CBX7: variants seen among roughly 807,000 people sequenced by gnomAD.
CBX7 encodes chromobox protein homolog 7.
A neutral mutation model predicts 31.4 loss-of-function variants in CBX7; 14 were observed. The ratio of observed to expected loss-of-function variants is 0.45; its 90% CI spans 0.29 to 0.70. The LOEUF (loss-of-function observed/expected upper bound fraction) is 0.70. Ranked by LOEUF, CBX7 falls within the 30% of genes least tolerant of loss-of-function variation. The pLI is 0.11. For missense variants in CBX7, 269 were observed against 351.9 expected (o/e 0.76, Z 1.89); for synonymous variants, 159 against 152.6 (o/e 1.04, Z -0.31).
intron 3 of CBX7, among the ~76,000 whole-genome samples, chr22:39,140,383 C>T (rs1423665979): frequency 6.6e-6 from 1 of 152,176 alleles, no homozygotes; most frequent in Non-Finnish European, 1.5e-5. Flanking sequence ...CCACCACACA[C>T]CTGGGAGGCA....
At chr22:39,140,880 A>G (rs1930429956) in intron 3 of CBX7, among the ~76,000 whole-genome samples, 1 of 152,088 alleles carries the variant, frequency 6.6e-6, no homozygotes, top group Admixed American at 6.5e-5. Flanking sequence ...CCAGCCCCAA[A>G]GCCCACGCTC....
At chr22:39,139,590 C>T (rs12170696) in intron 3 of CBX7, among the ~76,000 whole-genome samples, 11,959 of 151,298 alleles carry the variant, frequency 0.079, 572 homozygotes, top group African/African-American at 0.13. Context: ...GTAGTCCCAG[C>T]TACTCGGGAG....
intron 2 of CBX7, among the ~76,000 whole-genome samples, 180 bp from the exon 3 acceptor site, chr22:39,141,616 G>C (rs1055273555): frequency 2.6e-5 from 4 of 152,104 alleles, no homozygotes; most frequent in Non-Finnish European, 5.9e-5. Context: ...GGGCGTGGTG[G>C]TGCATGCCTG....
chr22:39,136,238 G>A (rs377551851), intron 4 of CBX7: 9 of 152,140 alleles, frequency 5.9e-5, no homozygotes, highest in East Asian at 5.8e-4. Context: ...GTAAGCTACC[G>A]GCCTCCCTGG....
rs1158181053 is a variant in CBX7, at chr22:39,131,296, A to T, written c.*2595T>A. ...ATTCAAAGCGGGTGGGGGCTGGGGGAAAGAAAGGCAGATGGGCAAATGCTT... is the reference window on the plus strand; with the variant it reads ...ATTCAAAGCGGGTGGGGGCTGGGGGTAAGAAAGGCAGATGGGCAAATGCTT... On this transcript the variant is annotated 3_prime_UTR_variant, in exon 6 of 6. Transcript: ENST00000216133. The T allele has an allele frequency of 6.6e-6, 1 of 152,582 alleles. No individual in the cohort carries two copies. The highest frequency in any genetic ancestry group is 1.9e-4 in the East Asian group (1 of 5,192). The allele number at this position is 152,582 out of a possible 1,614,324, so 9.5% of individuals were successfully genotyped here. A position where few individuals can be genotyped will look rare whatever the true frequency, so the allele number is the denominator to read the frequency against.
intron 3 of CBX7, 72 bp downstream of exon 3, chr22:39,141,299 G>T: frequency 7.2e-7 from 1 of 1,381,308 alleles, no homozygotes; most frequent in Non-Finnish European, 1.0e-6. Context: ...CCCCTGCCAA[G>T]CCAGCAGCAG....
Position 39,133,971 on chromosome 22 carries a change from T to C in CBX7, c.676A>G (p.Thr226Ala), listed in dbSNP as rs1601554178. The C allele has an allele frequency of 6.2e-7, 1 of 1,613,572 alleles. No homozygotes were observed. Among genetic ancestry groups the C allele is most frequent in the Admixed American group, 1.7e-5 (1 of 59,968 alleles). The change falls in exon 6 of 6, where the codon ACC becomes GCC. Residue 226 changes from threonine (T) to alanine (A), a missense_variant. Thr to Ala is a moderately conservative substitution (Grantham distance 58). Around this residue, in one of 2 missense-constraint regions of CBX7, gnomAD observed 222 missense variants for 240.4 expected, o/e 0.92. Coordinates refer to ENST00000216133, the MANE Select transcript of CBX7 (RefSeq NM_175709.5). ...PSSEVTVTDI[T>A]ANSITVTFRE... ...AAGGTGACGGTGATGGAGTTGGCGG[T>C]GATGTCGGTCACGGTCACCTCACTT...
intron 4 of CBX7, chr22:39,136,095 A>G (rs1930244779): frequency 6.6e-6 from 1 of 151,036 alleles, no homozygotes; most frequent in Non-Finnish European, 1.5e-5. Flanking sequence ...GTCTGGGAAA[A>G]AAAAAAAAAA....
chr22:39,141,136 G>T (rs1002492524), intron 3 of CBX7: 2 of 499,242 alleles, frequency 4.0e-6, no homozygotes, highest in Non-Finnish European at 7.2e-6. Context: ...AGAGACTGAG[G>T]CCCGGGTGGG....
At chr22:39,144,054 TG>T (rs1391343413) in intron 2 of CBX7, among the ~76,000 whole-genome samples, 1 of 152,208 alleles carries the variant, frequency 6.6e-6, no homozygotes, top group Non-Finnish European at 1.5e-5. Flanking sequence ...AGAAAGAGCC[TG>T]GGAGAGCCCC....
At chr22:39,144,948 C>G (rs1930590842) in intron 2 of CBX7, among the ~76,000 whole-genome samples, 1 of 152,226 alleles carries the variant, frequency 6.6e-6, no homozygotes, top group Non-Finnish European at 1.5e-5. Context: ...CCCAGCGTCA[C>G]TGAGCCAGTC....
intron 1 of CBX7, among the ~76,000 whole-genome samples, chr22:39,150,051 G>A (rs1002948207): frequency 1.3e-5 from 2 of 152,128 alleles, no homozygotes; most frequent in South Asian, 2.1e-4. Flanking sequence ...CCCTAGGACA[G>A]CACAGGAGTG....
rs994487072 is a variant in CBX7 at position 39,131,885 on chromosome 22, C to T, written c.*2006G>A. ...ATTCAACTAGAGACCCCCCACAACC[C>T]TCTATCATCTTTACCTCCGCTGGGC... On this transcript the variant is annotated 3_prime_UTR_variant, in exon 6 of 6. Coordinates refer to ENST00000216133, the MANE Select transcript of CBX7 (RefSeq NM_175709.5). 5 of 152,284 alleles carry T rather than the reference C, an allele frequency of 3.3e-5. No individual in the cohort carries two copies. The highest frequency in any genetic ancestry group is 1.2e-4 in the African/African-American group (5 of 41,438). 9.4% of individuals were successfully genotyped at this position (152,284 alleles called of 1,614,324 possible).
At chr22:39,134,776 G>GCGGGTCAGCC in intron 4 of CBX7, 24 bp from the exon 5 acceptor site, 1 of 1,423,146 alleles carries the variant, frequency 7.0e-7, no homozygotes. Flanking sequence ...CCAGGGCAGC[G>GCGGGTCAGCC]CGGGTCAGCC....
chr22:39,151,134 G>A (rs960549319), intron 1 of CBX7, among the ~76,000 whole-genome samples: 2 of 152,232 alleles, frequency 1.3e-5, no homozygotes, highest in Non-Finnish European at 2.9e-5. Context: ...GGGCTCCATC[G>A]TAGAGGGAGT....
rs904638416 is a variant in CBX7 at position 39,130,834 on chromosome 22, T to A, written c.*3057A>T. On this transcript the variant is annotated 3_prime_UTR_variant, in exon 6 of 6. Coordinates refer to ENST00000216133, the MANE Select transcript of CBX7 (RefSeq NM_175709.5). The stretch of plus-strand genomic sequence containing the variant: ...TAATTTTTTTGCCTCATTTACCAGA[T>A]AAATCATCTAAATAAATAGATGCTA... The A allele has an allele frequency of 2.0e-5, 3 of 152,714 alleles. No homozygotes were observed. In the South Asian group the frequency reaches 6.2e-4, roughly 32 times the overall value. The allele number at this position is 152,714 out of a possible 1,614,324, so 9.5% of individuals were successfully genotyped here. A position where few individuals can be genotyped will look rare whatever the true frequency, so the allele number is the denominator to read the frequency against.
chr22:39,131,458 A>G lies in CBX7; in HGVS notation c.*2433T>C, dbSNP rs1438461628. On this transcript the variant is annotated 3_prime_UTR_variant, in exon 6 of 6. Transcript: ENST00000216133. ...CACGGCCACAGCCGTAGGTGACCTC[A>G]TAGAGGTCACCTGTCCTGGAGGATG... 1 of 152,682 alleles carries G rather than the reference A, an allele frequency of 6.5e-6. No individual in the cohort carries two copies. Among genetic ancestry groups the G allele is most frequent in the African/African-American group, 2.4e-5 (1 of 41,414 alleles). The allele number at this position is 152,682 out of a possible 1,614,324, so 9.5% of individuals were successfully genotyped here.
intron 3 of CBX7, 141 bp from the exon 4 acceptor site, chr22:39,138,843 G>C (rs960671871): frequency 9.4e-6 from 7 of 745,528 alleles, no homozygotes; most frequent in Non-Finnish European, 1.4e-5. Flanking sequence ...CCTCCCCATT[G>C]CCTGGCTGGG....
intron 3 of CBX7, among the ~76,000 whole-genome samples, chr22:39,140,693 C>A (rs1418407819): frequency 6.6e-6 from 1 of 152,012 alleles, no homozygotes; most frequent in Admixed American, 6.6e-5. Context: ...ACAAGGCAGG[C>A]GGGCTGGGAG....
Sources: allele counts gnomAD v4.1 joint callset (sites outside exome capture counted in the v4.1 genomes callset), GRCh38; gene constraint gnomAD v4.1.1; regional missense constraint gnomAD v4.1.1; transcripts MANE v1.5; gene names NCBI Gene and HGNC (gene_info 2026-07-23, HGNC 2026-07-21).